Variants in ADARB2 observed in about 807,000 individuals in gnomAD.
ADARB2 encodes the protein inactive double-stranded RNA-specific editase B2.
In ADARB2, 25 loss-of-function variants were observed where a neutral mutation model predicts 62.2. The observed-to-expected ratio is 0.40, with a 90% CI of 0.29 to 0.56. The LOEUF (loss-of-function observed/expected upper bound fraction) is 0.56. Ranked by LOEUF, ADARB2 falls within the 20% of genes least tolerant of loss-of-function variation. The pLI is 0.43. For synonymous variants in ADARB2, 572 were observed against 500.8 expected (o/e 1.14, Z -1.90); for missense variants, 1,071 against 1,077.4 (o/e 0.99, Z 0.08).
intron 1 of ADARB2, among the ~76,000 whole-genome samples, chr10:1,502,193 TG>T (rs2131938821): frequency 6.6e-6 from 1 of 152,352 alleles, no homozygotes; most frequent in African/African-American, 2.4e-5. Context: ...CCAGCCTCAG[TG>T]GGGGCCCGGC....
chr10:1,380,008 G>T (rs1309849940), intron 1 of ADARB2, among the ~76,000 whole-genome samples: 3 of 152,210 alleles, frequency 2.0e-5, no homozygotes. Flanking sequence ...CTAATAAAGG[G>T]ATCCAAAAGA....
intron 3 of ADARB2, among the ~76,000 whole-genome samples, chr10:1,337,658 C>G (rs960764376): frequency 6.6e-6 from 1 of 152,084 alleles, no homozygotes; most frequent in Non-Finnish European, 1.5e-5. Context: ...CAACTTTACC[C>G]TGGGGCTGGA....
chr10:1,732,930 C>T (rs1446297225), intron 1 of ADARB2, among the ~76,000 whole-genome samples: 3 of 152,250 alleles, frequency 2.0e-5, no homozygotes, highest in African/African-American at 7.2e-5. Flanking sequence ...CCGTTCTCCA[C>T]ACCTTCCCAT....
At chr10:1,229,862 G>GTGTA (rs5782572) in intron 6 of ADARB2, among the ~76,000 whole-genome samples, 47,462 of 151,472 alleles carry the variant, frequency 0.31, 7,722 homozygotes, top group South Asian at 0.43. Context: ...GTGTGTGTGT[G>GTGTA]TGTGTGGGTA....
At chr10:1,451,165 G>C (rs1301914481) in intron 1 of ADARB2, among the ~76,000 whole-genome samples, 1 of 150,600 alleles carries the variant, frequency 6.6e-6, no homozygotes, top group Non-Finnish European at 1.5e-5. Context: ...GCAGGAAATA[G>C]TTCATCAAAA....
chr10:1,263,176 A>G (rs1831160256), intron 4 of ADARB2, among the ~76,000 whole-genome samples: 1 of 151,630 alleles, frequency 6.6e-6, no homozygotes, highest in African/African-American at 2.4e-5. Context: ...GATATACCTA[A>G]TGCTAAATGA....
At chr10:1,211,045 A>G (rs993275383) in intron 7 of ADARB2, among the ~76,000 whole-genome samples, 1 of 152,082 alleles carries the variant, frequency 6.6e-6, no homozygotes, top group African/African-American at 2.4e-5. Context: ...TGAGGGGTTC[A>G]AAACCCTTGT....
chr10:1,303,369 G>A (rs1455236646), intron 3 of ADARB2, among the ~76,000 whole-genome samples: 2 of 151,712 alleles, frequency 1.3e-5, no homozygotes, highest in Non-Finnish European at 3.0e-5. Flanking sequence ...CAAGAAATAT[G>A]GGACTATGTG....
chr10:1,394,422 C>T (rs985702898), intron 1 of ADARB2, among the ~76,000 whole-genome samples: 1 of 152,204 alleles, frequency 6.6e-6, no homozygotes, highest in Non-Finnish European at 1.5e-5. Context: ...AGGGTCCCTC[C>T]TGGTGTTTCT....
At chr10:1,668,433 C>T (rs545349069) in intron 1 of ADARB2, among the ~76,000 whole-genome samples, 1 of 152,302 alleles carries the variant, frequency 6.6e-6, no homozygotes, top group Admixed American at 6.5e-5. Flanking sequence ...GATATGAATT[C>T]AGAGACAGTT....
Position 1,602,979 on chromosome 10 carries a change from C to G in ADARB2, c.100+134072G>C, listed in dbSNP as rs114517131. On this transcript the variant is annotated intron_variant, in intron 1 of 9. Coordinates refer to ENST00000381312, the MANE Select transcript of ADARB2 (RefSeq NM_018702.4). ...ACATGCACACACAGACACACATCAA[C>G]ACGTGCACACACACCAACACACACA... 4.7e-3 allele frequency among the ~76,000 whole-genome samples: 715 copies of G among 151,626 alleles called. 2 individuals carry two copies. The highest frequency in any genetic ancestry group is 0.016 in the African/African-American group (657 of 41,260).
intron 3 of ADARB2, among the ~76,000 whole-genome samples, chr10:1,361,817 G>T (rs567573180): frequency 6.6e-6 from 1 of 152,162 alleles, no homozygotes; most frequent in African/African-American, 2.4e-5. Context: ...CAATGGTAGC[G>T]ATCACAGCCA....
chr10:1,329,469 C>T (rs923434913), intron 3 of ADARB2, among the ~76,000 whole-genome samples: 1 of 152,224 alleles, frequency 6.6e-6, no homozygotes, highest in African/African-American at 2.4e-5. Flanking sequence ...GTGGCCTGAC[C>T]TGGCTGGGTG....
intron 1 of ADARB2, among the ~76,000 whole-genome samples, chr10:1,515,502 G>T (rs930120265): frequency 6.6e-6 from 1 of 152,242 alleles, no homozygotes; most frequent in African/African-American, 2.4e-5. Context: ...TCCCAGCAAG[G>T]TCATCCTGCA....
intron 5 of ADARB2, among the ~76,000 whole-genome samples, chr10:1,240,682 G>A (rs1043974499): frequency 7.9e-5 from 12 of 152,144 alleles, no homozygotes; most frequent in African/African-American, 2.2e-4. Flanking sequence ...GGTTCCCCAT[G>A]CAGGGCAGGC....
chr10:1,452,049 C>T (rs1411562281), intron 1 of ADARB2, among the ~76,000 whole-genome samples: 3 of 152,154 alleles, frequency 2.0e-5, no homozygotes, highest in Non-Finnish European at 4.4e-5. Context: ...AGTGTGGGAG[C>T]TGAGGGGAGG....
chr10:1,504,303 C>G (rs953095973), intron 1 of ADARB2, among the ~76,000 whole-genome samples: 1 of 152,238 alleles, frequency 6.6e-6, no homozygotes, highest in Non-Finnish European at 1.5e-5. Context: ...TCACAGCCCA[C>G]AAGCCAGTCC....
intron 1 of ADARB2, among the ~76,000 whole-genome samples, chr10:1,553,859 A>G (rs1177695809): frequency 6.6e-6 from 1 of 152,192 alleles, no homozygotes; most frequent in African/African-American, 2.4e-5. Context: ...CCATCGCCCC[A>G]AACACAAACC....
intron 1 of ADARB2, among the ~76,000 whole-genome samples, chr10:1,545,649 T>C (rs753813728): frequency 3.5e-4 from 53 of 152,032 alleles, no homozygotes; most frequent in Non-Finnish European, 6.3e-4. Flanking sequence ...AGCCAAGGGG[T>C]ATTACCTGTT....
Sources: gnomAD v4.1 joint callset for allele counts (sites outside exome capture counted in the v4.1 genomes callset) on GRCh38, gnomAD v4.1.1 for gene constraint, MANE v1.5 for transcripts, NCBI Gene and HGNC (gene_info 2026-07-23, HGNC 2026-07-21) for gene names.